The following SANBR variants were observed in gnomAD, a reference collection of about 807,000 sequenced individuals.
SANBR encodes SANT and BTB domain regulator of CSR.
A neutral mutation model predicts 101.8 loss-of-function variants in SANBR; 77 were observed. The observed-to-expected ratio is 0.76, with a 90% CI of 0.63 to 0.91. SANBR has a LOEUF of 0.91. Ranked by LOEUF, SANBR falls within the 40% of genes least tolerant of loss-of-function variation. The pLI, the probability that SANBR is intolerant of heterozygous loss-of-function variation, is 0.00. For synonymous variants in SANBR, 279 were observed against 274.7 expected (o/e 1.02, Z -0.15); for missense variants, 875 against 853.0 (o/e 1.03, Z -0.32).
intron 17 of SANBR, among the ~76,000 whole-genome samples, chr2:61,116,855 C>A (rs192213695): frequency 7.0e-4 from 107 of 152,088 alleles, no homozygotes; most frequent in African/African-American, 2.6e-3. Flanking sequence ...GAGTTTGAGA[C>A]CAGCCTGGGC....
intron 14 of SANBR, 71 bp downstream of exon 14, chr2:61,106,733 C>G: frequency 1.0e-6 from 1 of 954,366 alleles, no homozygotes; most frequent in Non-Finnish European, 1.6e-6. Context: ...TGACAGGAAC[C>G]TGATCAGTTT....
intron 3 of SANBR, among the ~76,000 whole-genome samples, chr2:61,070,924 G>C (rs932268930): frequency 6.6e-6 from 1 of 151,254 alleles, no homozygotes; most frequent in Non-Finnish European, 1.5e-5. Flanking sequence ...GTCTCACTAC[G>C]TTGCCCAGGC....
chr2:61,119,242 C>T (rs1285490707), intron 20 of SANBR, among the ~76,000 whole-genome samples: 14 of 152,042 alleles, frequency 9.2e-5, no homozygotes. Flanking sequence ...ATACTCTTGC[C>T]CTAATTCTTT....
chr2:61,107,707 G>A (rs1048351057), intron 14 of SANBR, among the ~76,000 whole-genome samples: 1 of 152,248 alleles, frequency 6.6e-6, no homozygotes, highest in East Asian at 1.9e-4. Context: ...TCAAGATGGC[G>A]AAACCCTGTC....
At chr2:61,128,736 C>T (rs750365955), downstream of SANBR, among the ~76,000 whole-genome samples, 10 of 152,086 alleles carry the variant, frequency 6.6e-5, no homozygotes, top group South Asian at 2.1e-4. Flanking sequence ...TCAGGTGATC[C>T]GTCTGCCTCG....
intron 13 of SANBR, among the ~76,000 whole-genome samples, chr2:61,105,666 G>C (rs531501435): frequency 1.0e-5 from 1 of 100,232 alleles, no homozygotes; most frequent in African/African-American, 3.4e-5. Context: ...GCGCCTGGCC[G>C]CACCCCCCTC....
chr2:61,121,303 T>G, intron 21 of SANBR, 27 bp downstream of exon 21: 5 of 1,497,274 alleles, frequency 3.3e-6, no homozygotes, highest in Non-Finnish European at 4.5e-6. Flanking sequence ...TAAACCAGAG[T>G]GTCAGTGGCT....
Position 61,071,769 on chromosome 2 carries a change from G to A in SANBR, c.314G>A (p.Gly105Glu). Residue 105 changes from glycine to glutamate, a missense_variant, in exon 4 of 22, where the codon GGA (glycine) becomes GAA (glutamate). Coordinates refer to ENST00000402291, the MANE Select transcript of SANBR (RefSeq NM_001129993.3). Reference protein sequence around the residue: ...IHGEFQETPVGHDAVSKTGRH... With the variant: ...IHGEFQETPVEHDAVSKTGRH... ...GGAGAATTTCAGGAGACTCCAGTTG[G>A]ACATGATGCAGTTTCCAAAACTGGT... 6.3e-7 allele frequency: 1 copy of A among 1,598,966 alleles called. No homozygotes were observed. Among genetic ancestry groups the A allele is most frequent in the Non-Finnish European group, 8.5e-7 (1 of 1,175,670 alleles).
chr2:61,133,930 A>C (rs1684765002), intron 20 of SANBR, among the ~76,000 whole-genome samples: 1 of 152,220 alleles, frequency 6.6e-6, no homozygotes, highest in African/African-American at 2.4e-5. Context: ...AAATGGGCGA[A>C]TTGTATGATA....
intron 5 of SANBR, 24 bp downstream of exon 5, chr2:61,073,575 A>G: frequency 7.9e-7 from 1 of 1,260,432 alleles, no homozygotes; most frequent in Non-Finnish European, 1.1e-6. Context: ...TGTTTGCTAG[A>G]TAAGATTAAA....
intron 16 of SANBR, among the ~76,000 whole-genome samples, chr2:61,111,189 C>T (rs1337566008): frequency 1.3e-5 from 2 of 152,056 alleles, no homozygotes; most frequent in African/African-American, 2.4e-5. Context: ...CTCAGAAGAT[C>T]GAGACCATCC....
intron 7 of SANBR, among the ~76,000 whole-genome samples, chr2:61,082,128 A>G (rs1682166837): frequency 6.6e-6 from 1 of 151,482 alleles, no homozygotes; most frequent in African/African-American, 2.4e-5. Context: ...TGCCTCGGCC[A>G]CCCAAAGTGC....
rs1434160637 is a variant in SANBR at position 61,088,203 on chromosome 2, A to C, written c.935A>C (p.Tyr312Ser). ...KKIERLFDPE[Y>S]LNPDSRSNAA... ...ATTGAAAGACTGTTTGATCCTGAGT[A>C]CTTGAATCCAGATTCTCGGAGTAAT... Residue 312 changes from tyrosine to serine, a missense_variant, in exon 9 of 22, where the codon TAC becomes TCC. By Grantham distance (144) the Tyr-to-Ser change is moderately radical. Transcript: ENST00000402291. 1.2e-6 allele frequency: 2 copies of C among 1,609,132 alleles called. No individual in the cohort carries two copies. Among genetic ancestry groups the C allele is most frequent in the South Asian group, 1.1e-5 (1 of 89,522 alleles).
At chr2:61,074,338 A>T (rs1308695416) in intron 5 of SANBR, among the ~76,000 whole-genome samples, 1 of 152,214 alleles carries the variant, frequency 6.6e-6, no homozygotes, top group Non-Finnish European at 1.5e-5. Flanking sequence ...CTTTTTGTAT[A>T]TTTAACCACA....
At chr2:61,082,359 A>G (rs1308859119) in intron 7 of SANBR, among the ~76,000 whole-genome samples, 1 of 152,202 alleles carries the variant, frequency 6.6e-6, no homozygotes, top group Non-Finnish European at 1.5e-5. Context: ...ATACATGATT[A>G]TCCTCTCTTT....
At chr2:61,137,234 T>C (rs1266052191) in intron 21 of SANBR, among the ~76,000 whole-genome samples, 2 of 152,064 alleles carry the variant, frequency 1.3e-5, no homozygotes, top group Non-Finnish European at 2.9e-5. Flanking sequence ...GTGATAATCA[T>C]GCCACTGTAT....
intron 10 of SANBR, among the ~76,000 whole-genome samples, chr2:61,091,430 A>T (rs182394631): frequency 6.6e-6 from 1 of 151,800 alleles, no homozygotes; most frequent in Non-Finnish European, 1.5e-5. Flanking sequence ...CGTCTCTACT[A>T]AAAAAATACA....
intron 21 of SANBR, chr2:61,121,512 C>G (rs1684330809): frequency 2.9e-6 from 1 of 348,840 alleles, no homozygotes; most frequent in Non-Finnish European, 5.4e-6. Flanking sequence ...TAGCTTCATT[C>G]TGAGCCAACT....
At chr2:61,127,553 G>A (rs989233239), downstream of SANBR, among the ~76,000 whole-genome samples, 5 of 152,160 alleles carry the variant, frequency 3.3e-5, no homozygotes, top group African/African-American at 4.8e-5. Context: ...CCACTGCAGC[G>A]TTTTATGGGG....
Sources: allele counts gnomAD v4.1 joint callset (sites outside exome capture counted in the v4.1 genomes callset), GRCh38; gene constraint gnomAD v4.1.1; transcripts MANE v1.5; gene names NCBI Gene and HGNC (gene_info 2026-07-23, HGNC 2026-07-21).